Variants in HYDIN observed in about 807,000 individuals in gnomAD.
HYDIN encodes axonemal central pair apparatus protein HYDIN.
Under a neutral mutation model 403.9 loss-of-function variants are expected in HYDIN, and 132 were observed. That is an observed-to-expected ratio of 0.33 (90% CI 0.28 to 0.38). The LOEUF is 0.38. Among genes scored for constraint, HYDIN ranks in the 10% least tolerant of loss-of-function variants. The pLI is 1.00. For synonymous variants in HYDIN, 1,202 were observed against 1,891.7 expected (o/e 0.64, Z 9.46); for missense variants, 2,827 against 5,009.5 (o/e 0.56, Z 13.15).
At chr16:71,172,993 C>T (rs193249839) in intron 5 of HYDIN, among the ~76,000 whole-genome samples, 29 of 152,310 alleles carry the variant, frequency 1.9e-4, no homozygotes, top group Non-Finnish European at 3.8e-4. Context: ...GGTCATTCTG[C>T]GCACTGCCCT....
At chr16:71,165,337 C>T (rs139642890) in intron 5 of HYDIN, among the ~76,000 whole-genome samples, 41 of 151,954 alleles carry the variant, frequency 2.7e-4, no homozygotes, top group African/African-American at 9.7e-4. Context: ...TGGTGCTCAC[C>T]CCCTCACCTC....
intron 16 of HYDIN, chr16:71,062,812 T>A (rs2082137407): frequency 6.5e-6 from 1 of 154,170 alleles, no homozygotes. Flanking sequence ...CATCAACCCA[T>A]CTGGCACACT....
At chr16:71,065,432 A>G (rs2082232259) in intron 15 of HYDIN, among the ~76,000 whole-genome samples, 1 of 152,024 alleles carries the variant, frequency 6.6e-6, no homozygotes, top group Admixed American at 6.5e-5. Context: ...TTGTATGCAG[A>G]AAAGAGGGGA....
At chr16:71,140,873 AT>A (rs2085142789) in intron 7 of HYDIN, among the ~76,000 whole-genome samples, 1 of 150,206 alleles carries the variant, frequency 6.7e-6, no homozygotes, top group Non-Finnish European at 1.5e-5. Context: ...GCTAATCATT[AT>A]ATATCAGCAC....
intron 13 of HYDIN, among the ~76,000 whole-genome samples, chr16:71,073,173 G>A (rs1482194215): frequency 6.6e-6 from 1 of 152,144 alleles, no homozygotes; most frequent in Non-Finnish European, 1.5e-5. Flanking sequence ...AGACTGATGG[G>A]ATGAGATTTT....
intron 18 of HYDIN, among the ~76,000 whole-genome samples, chr16:71,043,550 A>G (rs1358745641): frequency 6.6e-6 from 1 of 150,652 alleles, no homozygotes; most frequent in South Asian, 2.1e-4. Flanking sequence ...TTCTGGCATT[A>G]TATTTTTAGT....
rs1477675174 is a variant in HYDIN at position 71,097,029 on chromosome 16, G to T, written c.1328-3094C>A. ...ATTATTTTCTCAACTCTCCCAAGAA[G>T]GGTAGGTAGCTAGCATCATCCTAGG... On this transcript the variant is annotated intron_variant, in intron 10 of 85. Transcript: ENST00000393567. 4.6e-5 allele frequency among the ~76,000 whole-genome samples: 5 copies of T among 107,660 alleles called. 1 individual carries two copies. In the South Asian group the frequency reaches 1.6e-3, roughly 34 times the overall value. The allele number at this position is 107,660 out of a possible 152,430, so 70.6% of individuals were successfully genotyped here. A position where few individuals can be genotyped will look rare whatever the true frequency, so the allele number is the denominator to read the frequency against.
intron 18 of HYDIN, among the ~76,000 whole-genome samples, chr16:71,033,177 A>T (rs1658180718): frequency 6.6e-6 from 1 of 152,118 alleles, no homozygotes; most frequent in Non-Finnish European, 1.5e-5. Flanking sequence ...ATATTTCAAC[A>T]ACAAAAATGG....
chr16:71,225,960 T>C (rs2041015103), intron 1 of HYDIN, among the ~76,000 whole-genome samples: 1 of 152,200 alleles, frequency 6.6e-6, no homozygotes, highest in African/African-American at 2.4e-5. Flanking sequence ...AATTGGAAGA[T>C]TCAGTATTGC....
chr16:70,833,566 T>C (rs1241127195), intron 79 of HYDIN, among the ~76,000 whole-genome samples: 1 of 133,718 alleles, frequency 7.5e-6, no homozygotes, highest in Non-Finnish European at 1.6e-5. Context: ...CCTCCCTCTG[T>C]GGTTGGGCAC....
At chr16:71,073,774 C>T (rs62040274) in intron 13 of HYDIN, among the ~76,000 whole-genome samples, 379 of 152,006 alleles carry the variant, frequency 2.5e-3, no homozygotes, top group African/African-American at 8.6e-3. Context: ...ATTCTTTAAC[C>T]CATCCAAGGA....
Position 70,850,253 on chromosome 16 carries a change from C to T in HYDIN, c.12651+195G>A, listed in dbSNP as rs191744131. ...TCTCCCCACCATCTCTCCACCCCCC[C>T]CTGAAAATAAAATAAGAAAAGCATT... On this transcript the variant is annotated intron_variant, in intron 74 of 85. Coordinates refer to ENST00000393567, the MANE Select transcript of HYDIN (RefSeq NM_001270974.2). Among the ~76,000 whole-genome samples, 104 of 144,592 alleles carry T rather than the reference C, an allele frequency of 7.2e-4. 5 individuals carry two copies. Among genetic ancestry groups the T allele is most frequent in the Admixed American group, 2.0e-3 (30 of 15,056 alleles). The allele number at this position is 144,592 out of a possible 152,430, so 94.9% of individuals were successfully genotyped here.
chr16:71,055,762 G>A (rs1310069096), intron 18 of HYDIN, among the ~76,000 whole-genome samples: 2 of 151,924 alleles, frequency 1.3e-5, no homozygotes, highest in Non-Finnish European at 2.9e-5. Flanking sequence ...CTACAAAGAT[G>A]TCTTGGTGCC....
rs1289286018 is a variant in HYDIN, at chr16:70,884,039, C to T, written c.9860G>A (p.Cys3287Tyr). Residue 3287 changes from cysteine to tyrosine, a missense_variant, in exon 59 of 86, where the codon TGT becomes TAT. Cys to Tyr is a radical substitution (Grantham distance 194). Coordinates refer to ENST00000393567, the MANE Select transcript of HYDIN (RefSeq NM_001270974.2). ...ACACTTTCCCATGGCGTCAGCCACA[C>T]AGTCAACGTTGATGACCTGCTGTCC... ...SGGQQVINVD[C>Y]VADAMGKCEE... The T allele has an allele frequency of 6.2e-7, 1 of 1,614,108 alleles. No homozygotes were observed. Among genetic ancestry groups the T allele is most frequent in the Non-Finnish European group, 8.5e-7 (1 of 1,180,016 alleles).
In HYDIN at chr16:71,175,833, GA is replaced by G; in HGVS notation, c.382-93del. ...TCCATCAACTACTTACTAGACGTGT[GA>G]CCTTGGTCAGGTCTGAACTTCAGTC... On this transcript the variant is annotated intron_variant, in intron 4 of 85. Transcript: ENST00000393567. 2.3e-6 allele frequency: 3 copies of G among 1,317,108 alleles called. No individual in the cohort carries two copies. In the East Asian group the frequency reaches 6.9e-5, roughly 30 times the overall value. 81.6% of individuals were successfully genotyped at this position (1,317,108 alleles called of 1,614,324 possible). A position where few individuals can be genotyped will look rare whatever the true frequency, so the allele number is the denominator to read the frequency against.
intron 1 of HYDIN, among the ~76,000 whole-genome samples, chr16:71,199,539 G>A (rs1036454005): frequency 6.6e-6 from 1 of 151,998 alleles, no homozygotes; most frequent in African/African-American, 2.4e-5. Flanking sequence ...CACCTCCCTG[G>A]GCCTCTACCC....
At chr16:71,081,746 G>T (rs1359361549) in intron 12 of HYDIN, among the ~76,000 whole-genome samples, 1 of 150,352 alleles carries the variant, frequency 6.7e-6, no homozygotes, top group African/African-American at 2.5e-5. Context: ...TGCCAAGGCT[G>T]TGTCATAAAT....
rs567967293 is a variant in HYDIN at position 71,184,849 on chromosome 16, G to A, written c.261+16C>T. ...CAGGGCCCACTTTATATGTAAGTAC[G>A]ACAGAGAGCAGCTACCTTCTGATGT... On this transcript the variant is annotated intron_variant, in intron 3 of 85. Transcript: ENST00000393567. 37 of 1,586,464 alleles carry A rather than the reference G, an allele frequency of 2.3e-5. 1 individual carries two copies. The highest frequency in any genetic ancestry group is 1.9e-4 in the Admixed American group (11 of 57,790).
intron 72 of HYDIN, among the ~76,000 whole-genome samples, chr16:70,855,746 C>T (rs1209833979): frequency 2.0e-5 from 3 of 152,294 alleles, no homozygotes; most frequent in Admixed American, 1.3e-4. Flanking sequence ...TCATCTTACG[C>T]TTTCCTCTTG....
Sources: gnomAD v4.1 joint callset for allele counts (sites outside exome capture counted in the v4.1 genomes callset) on GRCh38, gnomAD v4.1.1 for gene constraint, MANE v1.5 for transcripts, NCBI Gene and HGNC (gene_info 2026-07-23, HGNC 2026-07-21) for gene names.